ADCY10: variants seen among roughly 807,000 people sequenced by gnomAD.
ADCY10 encodes the protein adenylate cyclase 10.
ADCY10 carries 156 observed loss-of-function variants against 183.3 expected under a neutral mutation model. That is an observed-to-expected ratio of 0.85 (90% CI 0.75 to 0.97). The LOEUF (loss-of-function observed/expected upper bound fraction) is 0.97. ADCY10 is among the 50% of genes least tolerant of loss of function. The pLI is 0.00. For missense variants in ADCY10, 1,745 were observed against 1,934.3 expected, an observed-to-expected ratio of 0.90 and a Z score of 1.84; for synonymous variants, 645 against 670.0, an observed-to-expected ratio of 0.96 and a Z score of 0.58.
At chr1:167,855,350 A>G (rs983718945) in intron 17 of ADCY10, among the ~76,000 whole-genome samples, 2 of 151,926 alleles carry the variant, frequency 1.3e-5, no homozygotes, top group African/African-American at 4.8e-5. Flanking sequence ...ACAAACAAAC[A>G]AACAAAAAAC....
At chr1:167,850,583 T>C in intron 18 of ADCY10, among the ~76,000 whole-genome samples, 1 of 151,774 alleles carries the variant, frequency 6.6e-6, no homozygotes, top group East Asian at 1.9e-4. Context: ...AAGGATTATC[T>C]GAGGACTGGT....
chr1:167,880,645 A>T (rs1384964025), intron 9 of ADCY10, 36 bp from the exon 10 acceptor site: 4 of 1,501,032 alleles, frequency 2.7e-6, no homozygotes, highest in Non-Finnish European at 3.7e-6. Context: ...CAGCTGATGG[A>T]CAGTGTGCTT....
Position 167,880,624 on chromosome 1 carries a change from G to C in ADCY10, c.1021-15C>G. 1 of 1,571,492 alleles carries C rather than the reference G, an allele frequency of 6.4e-7. No homozygotes were observed. The highest frequency in any genetic ancestry group is 1.7e-4 in the Middle Eastern group (1 of 5,962). On this transcript the variant is annotated splice_polypyrimidine_tract_variant and intron_variant, in intron 9 of 32. Transcript: ENST00000367851. The stretch of plus-strand genomic sequence containing the variant: ...AAAGAGCAGCCCTGTGAGGGAGAGA[G>C]ACAGCAACCACAGCTGATGGACAGT...
chr1:167,855,836 A>G (rs1054404121), intron 17 of ADCY10, among the ~76,000 whole-genome samples: 2 of 151,718 alleles, frequency 1.3e-5, no homozygotes, highest in Non-Finnish European at 2.9e-5. Flanking sequence ...ACACTGTGAG[A>G]CCCCATCTCT....
chr1:167,898,131 A>G (rs1282250152), intron 6 of ADCY10, among the ~76,000 whole-genome samples: 3 of 151,390 alleles, frequency 2.0e-5, no homozygotes, highest in African/African-American at 7.3e-5. Context: ...TAACTAGTGC[A>G]TAGTATTGTA....
Position 167,872,556 on chromosome 1 carries a change from A to G in ADCY10, c.1463-2146T>C, listed in dbSNP as rs79402221. ...CTCAATATCGGGGACTGTTGTATGC[A>G]GTTTTTACCCTAAAAAGCCACTATT... On this transcript the variant is annotated intron_variant, in intron 13 of 32. Transcript: ENST00000367851. Among the ~76,000 whole-genome samples, 1,313 of 152,046 alleles carry G rather than the reference A, an allele frequency of 8.6e-3. 7 individuals are homozygous for G. The highest frequency in any genetic ancestry group is 0.015 in the Admixed American group (233 of 15,268).
At chr1:167,904,724 T>C (rs887669472) in intron 2 of ADCY10, 21 of 609,848 alleles carry the variant, frequency 3.4e-5, no homozygotes, top group Middle Eastern at 8.6e-4. Context: ...GATGAGTCAG[T>C]GAAGTTGGGG....
chr1:167,898,504 G>A (rs1418734235), intron 6 of ADCY10, among the ~76,000 whole-genome samples: 2 of 152,006 alleles, frequency 1.3e-5, no homozygotes, highest in Non-Finnish European at 2.9e-5. Flanking sequence ...GAAGGTTGAG[G>A]CAGGGAATTG....
At chr1:167,831,368 AT>A (rs1663721131) in intron 25 of ADCY10, among the ~76,000 whole-genome samples, 1 of 151,968 alleles carries the variant, frequency 6.6e-6, no homozygotes, top group African/African-American at 2.4e-5. Context: ...TTTTTTCTGT[AT>A]TTTTAGTAGA....
intron 15 of ADCY10, 46 bp downstream of exon 15, chr1:167,860,825 G>A (rs1253967062): frequency 1.3e-6 from 2 of 1,524,418 alleles, no homozygotes; most frequent in East Asian, 4.5e-5. Context: ...GAGTTGCTGT[G>A]CCTGCCCATG....
In ADCY10 at chr1:167,845,848, C is replaced by T. The variant is rs1482068653; in HGVS notation, c.2722G>A (p.Gly908Ser). The T allele has an allele frequency of 2.5e-6, 4 of 1,613,972 alleles. No homozygotes were observed. Among genetic ancestry groups the T allele is most frequent in the East Asian group, 2.2e-5 (1 of 44,898 alleles). The change falls in exon 21 of 33, where the codon GGT becomes AGT. Residue 908 changes from glycine to serine, a missense_variant. By Grantham distance (56) the Gly-to-Ser change is moderately conservative. Coordinates refer to ENST00000367851, the MANE Select transcript of ADCY10 (RefSeq NM_018417.6). The part of the protein sequence containing the change: ...SLKPSEGMDH[G>S]EEEQLRELEN... ...AGTTCACGAAGCTGTTCCTCTTCAC[C>T]GTGATCTGGAGAGAGCAAAAAGGGT...
At chr1:167,910,812 T>C (rs1670101955) in intron 1 of ADCY10, among the ~76,000 whole-genome samples, 1 of 152,214 alleles carries the variant, frequency 6.6e-6, no homozygotes, top group Admixed American at 6.5e-5. Flanking sequence ...CTGCCCCCAG[T>C]TCACTGGCTC....
intron 25 of ADCY10, among the ~76,000 whole-genome samples, chr1:167,829,722 C>T (rs935221575): frequency 6.6e-6 from 1 of 152,170 alleles, no homozygotes; most frequent in African/African-American, 2.4e-5. Flanking sequence ...TGATATTATT[C>T]ATCACATTTG....
chr1:167,883,260 ACTC>A (rs1170949125), intron 9 of ADCY10, among the ~76,000 whole-genome samples, 174 bp downstream of exon 9: 1 of 151,654 alleles, frequency 6.6e-6, no homozygotes, highest in African/African-American at 2.4e-5. Context: ...CTGGTCTTGA[ACTC>A]CTGACCTCAA....
intron 5 of ADCY10, among the ~76,000 whole-genome samples, chr1:167,900,714 T>C (rs984798831): frequency 3.9e-5 from 6 of 152,172 alleles, no homozygotes; most frequent in African/African-American, 1.4e-4. Context: ...TGTATTTTAG[T>C]AGAGACGGGG....
intron 9 of ADCY10, 56 bp from the exon 10 acceptor site, chr1:167,880,665 C>T: frequency 7.3e-7 from 1 of 1,361,364 alleles, no homozygotes; most frequent in Non-Finnish European, 1.1e-6. Flanking sequence ...TTAAACTGGA[C>T]TGGCCAGAAG....
intron 12 of ADCY10, among the ~76,000 whole-genome samples, chr1:167,877,730 G>C (rs1667574995): frequency 6.6e-6 from 1 of 152,196 alleles, no homozygotes; most frequent in Non-Finnish European, 1.5e-5. Context: ...AAGGGGGAAA[G>C]AGCTTAACTG....
At chr1:167,879,378 T>C (rs1021074186) in intron 11 of ADCY10, among the ~76,000 whole-genome samples, 12 of 152,204 alleles carry the variant, frequency 7.9e-5, no homozygotes, top group Admixed American at 7.9e-4. Flanking sequence ...GTAGCAAATG[T>C]GTCACTTTAA....
rs763939164 is a variant in ADCY10 at position 167,809,820 on chromosome 1, G to A, written c.4691C>T (p.Ser1564Phe). ...NMNKESWYST[S>F]ELKEDQWLQT... The stretch of plus-strand genomic sequence containing the variant: ...AAGCCATTGGTCTTCTTTTAACTCA[G>A]AGGTTGAGTACCATGATTCCTGAGA... Residue 1564 changes from serine (S) to phenylalanine (F), a missense_variant, in exon 33 of 33, where the codon TCT becomes TTT. Transcript: ENST00000367851. 2 of 1,614,118 alleles carry A rather than the reference G, an allele frequency of 1.2e-6. No individual in the cohort carries two copies. The highest frequency in any genetic ancestry group is 1.3e-5 in the African/African-American group (1 of 75,040).
Sources: gnomAD v4.1 joint callset for allele counts (sites outside exome capture counted in the v4.1 genomes callset) on GRCh38, gnomAD v4.1.1 for gene constraint, MANE v1.5 for transcripts, NCBI Gene and HGNC (gene_info 2026-07-23, HGNC 2026-07-21) for gene names.